The following ITGB3BP variants were observed in gnomAD, a reference collection of about 807,000 sequenced individuals.
ITGB3BP encodes the protein centromere protein R.
Under a neutral mutation model 29.1 loss-of-function variants are expected in ITGB3BP, and 27 were observed. The ratio of observed to expected loss-of-function variants is 0.93; its 90% confidence interval spans 0.68 to 1.28. The LOEUF is 1.28. ITGB3BP is among the 50% of genes most tolerant of loss of function. ITGB3BP has a pLI of 0.00. For synonymous variants in ITGB3BP, 61 were observed against 61.4 expected, an observed-to-expected ratio of 0.99 and a Z score of 0.03; for missense variants, 192 against 200.2, an observed-to-expected ratio of 0.96 and a Z score of 0.25.
chr1:63,448,876 G>A (rs192301378), intron 7 of ITGB3BP, among the ~76,000 whole-genome samples: 10 of 151,840 alleles, frequency 6.6e-5, no homozygotes, highest in East Asian at 5.8e-4. Flanking sequence ...CTTCTTCACC[G>A]TTTGCTCATT....
chr1:63,507,016 C>T (rs922025355), intron 2 of ITGB3BP, among the ~76,000 whole-genome samples: 26 of 152,114 alleles, frequency 1.7e-4, no homozygotes, highest in African/African-American at 6.3e-4. Flanking sequence ...GTGTATGTAG[C>T]CATGGAGAGA....
rs888629219 is a variant in ITGB3BP, at chr1:63,482,092, G to A, written c.185-3259C>T. On this transcript the variant is annotated intron_variant, in intron 3 of 8. Transcript: ENST00000271002. ...GTTTCAGACCAGCCTGGTCAACACC[G>A]TGAAACCCTGTCTCTACTAAAATAC... 5.7e-4 allele frequency among the ~76,000 whole-genome samples: 87 copies of A among 151,942 alleles called. 1 individual carries two copies. Among genetic ancestry groups the A allele is most frequent in the African/African-American group, 1.9e-3 (77 of 41,474 alleles).
intron 4 of ITGB3BP, among the ~76,000 whole-genome samples, chr1:63,472,619 C>T (rs1181989486): frequency 4.0e-5 from 6 of 150,934 alleles, no homozygotes; most frequent in Admixed American, 6.6e-5. Context: ...TGCAGGCGCG[C>T]GCCGCCACGC....
chr1:63,467,360 C>CT (rs1645115534), intron 4 of ITGB3BP, among the ~76,000 whole-genome samples: 1 of 146,222 alleles, frequency 6.8e-6, no homozygotes, highest in African/African-American at 2.5e-5. Flanking sequence ...TTTTTTTTTT[C>CT]TTTTTTTGAG....
chr1:63,473,218 G>A (rs1181685720), intron 4 of ITGB3BP, among the ~76,000 whole-genome samples: 40 of 151,784 alleles, frequency 2.6e-4, no homozygotes, highest in African/African-American at 8.9e-4. Flanking sequence ...CGTCTGAGAA[G>A]TGAGGAAACC....
upstream of ITGB3BP, chr1:63,523,649 G>A: frequency 5.6e-6 from 1 of 179,678 alleles, no homozygotes; most frequent in Non-Finnish European, 1.2e-5. Flanking sequence ...CAAACAGCTC[G>A]CTGTCTCTGT....
At chr1:63,468,408 T>C (rs1420831681) in intron 4 of ITGB3BP, among the ~76,000 whole-genome samples, 1 of 152,134 alleles carries the variant, frequency 6.6e-6, no homozygotes, top group Non-Finnish European at 1.5e-5. Flanking sequence ...TAAACCATAG[T>C]GTCAGTTACT....
At chr1:63,482,099 C>G (rs1006916752) in intron 3 of ITGB3BP, among the ~76,000 whole-genome samples, 1 of 151,568 alleles carries the variant, frequency 6.6e-6, no homozygotes, top group Non-Finnish European at 1.5e-5. Flanking sequence ...ACCGTGAAAC[C>G]CTGTCTCTAC....
chr1:63,513,205 ATATT>A (rs940966846), intron 1 of ITGB3BP, among the ~76,000 whole-genome samples: 2 of 152,120 alleles, frequency 1.3e-5, no homozygotes, highest in Non-Finnish European at 1.5e-5. Context: ...CATTCCTTTT[ATATT>A]TATTAGTTAG....
chr1:63,459,503 C>T (rs1048496771), intron 4 of ITGB3BP, among the ~76,000 whole-genome samples: 3 of 152,052 alleles, frequency 2.0e-5, no homozygotes, highest in Non-Finnish European at 2.9e-5. Context: ...ATCTCCATCT[C>T]CCTTGACCTA....
chr1:63,444,955 C>T (rs577469715), intron 8 of ITGB3BP, among the ~76,000 whole-genome samples: 6 of 152,118 alleles, frequency 3.9e-5, no homozygotes, highest in East Asian at 3.9e-4. Flanking sequence ...AAATGGGATA[C>T]GTATAAAGTG....
chr1:63,475,041 C>T (rs1005767101), intron 4 of ITGB3BP, among the ~76,000 whole-genome samples: 10 of 151,240 alleles, frequency 6.6e-5, no homozygotes, highest in African/African-American at 1.2e-4. Flanking sequence ...GTGACATTAT[C>T]ACAGCTCACT....
At chr1:63,505,670 T>C (rs1465512745) in intron 2 of ITGB3BP, among the ~76,000 whole-genome samples, 1 of 152,214 alleles carries the variant, frequency 6.6e-6, no homozygotes, top group African/African-American at 2.4e-5. Flanking sequence ...AATTTCCCTC[T>C]ACACACTGCT....
chr1:63,461,203 A>C (rs949012486), intron 4 of ITGB3BP, among the ~76,000 whole-genome samples: 1 of 144,598 alleles, frequency 6.9e-6, no homozygotes. Flanking sequence ...GCAGTAAGCC[A>C]AGATTGCGCC....
At position 63,446,857 on chromosome 1, in the gene ITGB3BP, CTA is replaced by C; in HGVS notation, c.485-3_485-2del. 1.2e-6 allele frequency: 2 copies of C among 1,605,206 alleles called. No homozygotes were observed. Among genetic ancestry groups the C allele is most frequent in the Non-Finnish European group, 1.7e-6 (2 of 1,173,702 alleles). On this transcript the variant is annotated splice_acceptor_variant and splice_polypyrimidine_tract_variant and intron_variant, in intron 7 of 8. Transcript: ENST00000271002. LOFTEE classifies it high-confidence loss of function. ...TCATAGCTGTCAAGATGACGTGATG[CTA>C]TATGAAAGAAGAAAGGTTTTTTTTT...
chr1:63,518,486 G>A (rs1473915738), intron 1 of ITGB3BP, among the ~76,000 whole-genome samples: 1 of 151,406 alleles, frequency 6.6e-6, no homozygotes, highest in Non-Finnish European at 1.5e-5. Flanking sequence ...GATAGTTTAT[G>A]TTCTCTTTCA....
intron 2 of ITGB3BP, among the ~76,000 whole-genome samples, chr1:63,504,716 C>A (rs1367471077): frequency 6.6e-6 from 1 of 152,112 alleles, no homozygotes; most frequent in African/African-American, 2.4e-5. Context: ...GAGTTTTTAG[C>A]ATGAAGGTTG....
chr1:63,503,214 G>C (rs1450322953), intron 2 of ITGB3BP, among the ~76,000 whole-genome samples: 1 of 152,096 alleles, frequency 6.6e-6, no homozygotes, highest in Non-Finnish European at 1.5e-5. Context: ...ATTCTAACTG[G>C]TGTGAGATGA....
chr1:63,459,481 A>C (rs1460304401), intron 4 of ITGB3BP, among the ~76,000 whole-genome samples: 1 of 152,150 alleles, frequency 6.6e-6, no homozygotes, highest in African/African-American at 2.4e-5. Context: ...AAAAAGGTAA[A>C]TAGGTCACTG....
Sources: gnomAD v4.1 joint callset for allele counts (sites outside exome capture counted in the v4.1 genomes callset) on GRCh38, gnomAD v4.1.1 for gene constraint, MANE v1.5 for transcripts, NCBI Gene and HGNC (gene_info 2026-07-23, HGNC 2026-07-21) for gene names.